CCDC171: variants seen among roughly 807,000 people sequenced by gnomAD.
CCDC171 encodes the protein coiled-coil domain containing 171, also known as coiled-coil domain-containing protein 171.
In CCDC171, 177 loss-of-function variants were observed where a neutral mutation model predicts 168.2. The ratio of observed to expected loss-of-function variants is 1.05; its 90% confidence interval spans 0.93 to 1.19. The LOEUF (loss-of-function observed/expected upper bound fraction) is 1.19. Among genes scored for constraint, CCDC171 ranks in the 50% most tolerant of loss-of-function variants. The pLI is 0.00. For missense variants in CCDC171, 1,991 were observed against 1,539.0 expected, an observed-to-expected ratio of 1.29 and a Z score of -4.91; for synonymous variants, 687 against 540.8, an observed-to-expected ratio of 1.27 and a Z score of -3.75.
At chr9:15,847,933 G>A (rs1044604337) in intron 22 of CCDC171, among the ~76,000 whole-genome samples, 1 of 151,970 alleles carries the variant, frequency 6.6e-6, no homozygotes. Context: ...ATGTAACATT[G>A]CACCACCATC....
intron 16 of CCDC171, among the ~76,000 whole-genome samples, chr9:15,736,238 C>T (rs1290344057): frequency 6.6e-6 from 1 of 152,092 alleles, no homozygotes; most frequent in Non-Finnish European, 1.5e-5. Flanking sequence ...CTTCCAGTCC[C>T]TTTTGCATTA....
At chr9:15,915,304 A>G (rs1452682522) in intron 24 of CCDC171, among the ~76,000 whole-genome samples, 1 of 151,254 alleles carries the variant, frequency 6.6e-6, no homozygotes, top group African/African-American at 2.4e-5. Flanking sequence ...AATTTCTTTC[A>G]TCAGTGTTTT....
At chr9:15,637,782 C>T (rs2046313954) in intron 7 of CCDC171, among the ~76,000 whole-genome samples, 1 of 151,928 alleles carries the variant, frequency 6.6e-6, no homozygotes, top group Non-Finnish European at 1.5e-5. Context: ...ATCCATGTCC[C>T]TACAAAGGAC....
rs1023614845 is a variant in CCDC171, at chr9:15,581,859, A to C, written c.352+2836A>C. On this transcript the variant is annotated intron_variant, in intron 4 of 25. Transcript: ENST00000380701. ...GAAAACCTAGGCAATACCATTCAGG[A>C]CATAGGCATGGGCAAGGACTTCATA... Among the ~76,000 whole-genome samples the C allele has an allele frequency of 5.1e-4, 78 of 152,260 alleles. 2 individuals carry two copies. The highest frequency in any genetic ancestry group is 5.1e-3 in the Admixed American group (78 of 15,300).
Position 15,623,363 on chromosome 9 carries a change from G to A in CCDC171, c.772G>A (p.Glu258Lys). The A allele has an allele frequency of 1.2e-6, 2 of 1,612,098 alleles. No individual in the cohort carries two copies. Among genetic ancestry groups the A allele is most frequent in the African/African-American group, 1.3e-5 (1 of 74,994 alleles). The change falls in exon 7 of 26, where the codon GAA (glutamate) becomes AAA (lysine). Residue 258 changes from glutamate to lysine, a missense_variant. Physicochemically the swap from Glu to Lys is moderately conservative, Grantham distance 56. Coordinates refer to ENST00000380701, the MANE Select transcript of CCDC171 (RefSeq NM_173550.4). ...CSDLLRRQTS[E>K]LEFSTQREER... ...TGACCTTTTACGGCGACAAACAAGTGAACTTGAATTTAGCACTCAACGAGA... is the reference window on the plus strand; with the variant it reads ...TGACCTTTTACGGCGACAAACAAGTAAACTTGAATTTAGCACTCAACGAGA...
chr9:15,935,610 A>G lies in CCDC171; in HGVS notation c.3753+15188A>G, dbSNP rs563265333. On this transcript the variant is annotated intron_variant, in intron 25 of 25. Coordinates refer to ENST00000380701, the MANE Select transcript of CCDC171 (RefSeq NM_173550.4). ...ATAATATAAATGTAAGTCATTTACAAATGTATACCAGTTATGTGAGTCTCA... is the reference window on the plus strand; with the variant it reads ...ATAATATAAATGTAAGTCATTTACAGATGTATACCAGTTATGTGAGTCTCA... Among the ~76,000 whole-genome samples, 7 of 152,186 alleles carry G rather than the reference A, an allele frequency of 4.6e-5. No individual in the cohort carries two copies. In the East Asian group the frequency reaches 1.2e-3, roughly 25 times the overall value.
chr9:15,660,634 G>A (rs192335011), intron 8 of CCDC171, among the ~76,000 whole-genome samples: 1 of 152,296 alleles, frequency 6.6e-6, no homozygotes, highest in Admixed American at 6.5e-5. Flanking sequence ...CATCCATGTT[G>A]TAGCATAGGA....
intron 11 of CCDC171, among the ~76,000 whole-genome samples, chr9:15,696,996 T>G (rs1327937079): frequency 2.0e-5 from 3 of 152,220 alleles, no homozygotes; most frequent in Non-Finnish European, 4.4e-5. Flanking sequence ...CTTTACACCC[T>G]TCTCCCCTTG....
chr9:15,948,935 C>T (rs1370667402), intron 25 of CCDC171, among the ~76,000 whole-genome samples: 1 of 152,130 alleles, frequency 6.6e-6, no homozygotes, highest in Non-Finnish European at 1.5e-5. Context: ...AGGTTTTCTT[C>T]TCTGGTTTTT....
At chr9:15,656,166 A>T (rs1239098745) in intron 7 of CCDC171, among the ~76,000 whole-genome samples, 1 of 152,094 alleles carries the variant, frequency 6.6e-6, no homozygotes, top group Non-Finnish European at 1.5e-5. Flanking sequence ...AAAAATATAA[A>T]AAATTAGCTG....
the CCDC171 span, among the ~76,000 whole-genome samples, chr9:16,070,903 G>C: frequency 6.6e-6 from 1 of 152,184 alleles, no homozygotes; most frequent in Non-Finnish European, 1.5e-5. Flanking sequence ...GTGTAGGTTT[G>C]GATGGGGGAT....
chr9:15,955,229 A>G (rs1277526381), intron 25 of CCDC171, among the ~76,000 whole-genome samples: 1 of 152,062 alleles, frequency 6.6e-6, no homozygotes, highest in East Asian at 1.9e-4. Context: ...TTTTCCTCAC[A>G]TATGTAGTTG....
chr9:15,630,287 C>T (rs547586436), intron 7 of CCDC171, among the ~76,000 whole-genome samples: 158 of 152,194 alleles, frequency 1.0e-3, no homozygotes, highest in South Asian at 3.3e-3. Flanking sequence ...ACCCATCTCA[C>T]GTGCAGAGAC....
intron 4 of CCDC171, among the ~76,000 whole-genome samples, chr9:15,585,068 C>T (rs1486793923): frequency 6.6e-6 from 1 of 152,120 alleles, no homozygotes; most frequent in Admixed American, 6.5e-5. Flanking sequence ...TATCAGGTGG[C>T]TCTAATTGAA....
At chr9:15,903,104 G>A (rs1821954607) in intron 24 of CCDC171, among the ~76,000 whole-genome samples, 2 of 152,216 alleles carry the variant, frequency 1.3e-5, no homozygotes, top group Admixed American at 6.5e-5. Flanking sequence ...CACCTCTGGG[G>A]GTTGAGCATT....
chr9:15,820,191 G>T lies in CCDC171; in HGVS notation c.3268-26511G>T, dbSNP rs1440097555. 6.2e-5 allele frequency among the ~76,000 whole-genome samples: 7 copies of T among 113,156 alleles called. 1 individual carries two copies. In the South Asian group the frequency reaches 1.8e-3, roughly 29 times the overall value. The allele number at this position is 113,156 out of a possible 152,430, so 74.2% of individuals were successfully genotyped here. On this transcript the variant is annotated intron_variant, in intron 21 of 25. Transcript: ENST00000380701. Reference sequence around the variant, plus strand: ...GAATCTCTGGGACACATTCAAAGCAGTGTGTAGAGGGAAATTTTTAGCACT... The same window carrying T: ...GAATCTCTGGGACACATTCAAAGCATTGTGTAGAGGGAAATTTTTAGCACT...
chr9:16,001,979 G>C (rs1297370858), intron 3 of CCDC171, among the ~76,000 whole-genome samples: 1 of 151,122 alleles, frequency 6.6e-6, no homozygotes, highest in Non-Finnish European at 1.5e-5. Flanking sequence ...TGGGACTACA[G>C]GCAGGAGCCA....
At chr9:16,097,279 G>A in the CCDC171 span, among the ~76,000 whole-genome samples, 1 of 152,168 alleles carries the variant, frequency 6.6e-6, no homozygotes, top group Non-Finnish European at 1.5e-5. Flanking sequence ...AGTAACCTCT[G>A]AGTGCCTCAC....
intron 10 of CCDC171, among the ~76,000 whole-genome samples, chr9:15,693,492 TTTACTCCC>T (rs1330255169): frequency 6.6e-6 from 1 of 151,766 alleles, no homozygotes; most frequent in Non-Finnish European, 1.5e-5. Context: ...AAAACAGACA[TTTACTCCC>T]TTCATGGAGC....
Sources: gnomAD v4.1 joint callset for allele counts (sites outside exome capture counted in the v4.1 genomes callset) on GRCh38, gnomAD v4.1.1 for gene constraint, MANE v1.5 for transcripts, NCBI Gene and HGNC (gene_info 2026-07-23, HGNC 2026-07-21) for gene names.